The following EMC1 variants were observed in gnomAD, a reference collection of about 807,000 sequenced individuals.
EMC1 encodes ER membrane protein complex subunit 1.
EMC1 carries 103 observed loss-of-function variants against 128.8 expected under a neutral mutation model. That is an observed-to-expected ratio of 0.80 (90% CI 0.68 to 0.94). The LOEUF (loss-of-function observed/expected upper bound fraction) is 0.94, where lower values mean the gene tolerates loss of function less well. Ranked by LOEUF, EMC1 falls within the 40% of genes least tolerant of loss-of-function variation. The pLI, the probability that EMC1 is intolerant of heterozygous loss-of-function variation, is 0.00. For synonymous variants in EMC1, 442 were observed against 490.4 expected, an observed-to-expected ratio of 0.90 and a Z score of 1.30; for missense variants, 1,083 against 1,250.6, an observed-to-expected ratio of 0.87 and a Z score of 2.02.
At position 19,233,065 on chromosome 1, in the gene EMC1, G is replaced by A; in HGVS notation, c.1503C>T (p.His501=). 1.2e-6 allele frequency: 2 copies of A among 1,614,218 alleles called. No homozygotes were observed. The highest frequency in any genetic ancestry group is 1.7e-6 in the Non-Finnish European group (2 of 1,180,042). Residue 501 remains histidine (H), a synonymous_variant, in exon 14 of 23, where the codon CAC becomes CAT. Transcript: ENST00000477853. The part of the protein sequence containing the change: ...QLILLQAWTS[H]LWKMFYDARK... ...GAGCATCATAAAACATTTTCCAGAG[G>A]TGGGAAGTCCATGCTTGCAGCAGGA...
At chr1:19,225,624 T>G (rs1338810672) in intron 18 of EMC1, among the ~76,000 whole-genome samples, 1 of 151,304 alleles carries the variant, frequency 6.6e-6, no homozygotes, top group African/African-American at 2.4e-5. Context: ...TCCAGCCTGG[T>G]GAAAGAGCAA....
At chr1:19,244,222 C>A (rs192422574) in intron 2 of EMC1, among the ~76,000 whole-genome samples, 4 of 151,936 alleles carry the variant, frequency 2.6e-5, no homozygotes, top group African/African-American at 7.3e-5. Context: ...CTGTCCAGGC[C>A]CCACTACCAC....
chr1:19,223,366 T>G, intron 19 of EMC1, 30 bp downstream of exon 19: 1 of 1,597,410 alleles, frequency 6.3e-7, no homozygotes, highest in East Asian at 2.2e-5. Context: ...CCTCTGGAGC[T>G]ACCTTGGGTC....
At chr1:19,249,602 T>C (rs11800204) in intron 1 of EMC1, among the ~76,000 whole-genome samples, 23,213 of 152,162 alleles carry the variant, frequency 0.15, 2,639 homozygotes, top group African/African-American at 0.33. Context: ...AAGTGATGCA[T>C]ACCTGTATGT....
chr1:19,221,001 A>G, intron 20 of EMC1, 153 bp from the exon 21 acceptor site: 1 of 547,986 alleles, frequency 1.8e-6, no homozygotes, highest in South Asian at 2.4e-5. Flanking sequence ...TAATCCAATG[A>G]TACGCATGGG....
intron 10 of EMC1, 89 bp downstream of exon 10, chr1:19,238,706 C>T: frequency 1.2e-6 from 1 of 842,762 alleles, no homozygotes; most frequent in Admixed American, 2.0e-5. Context: ...AACTCTAGGA[C>T]CTGCTCCTAA....
Position 19,242,405 on chromosome 1 carries a change from G to A in EMC1, c.449C>T (p.Thr150Ile), listed in dbSNP as rs1368496995. The A allele has an allele frequency of 4.3e-6, 7 of 1,614,002 alleles. No homozygotes were observed. The highest frequency in any genetic ancestry group is 5.9e-6 in the Non-Finnish European group (7 of 1,179,990). ...VRYIAVLKKT[T>I]LALHHLSSGH... ...ACTGGAGAGGTGATGGAGGGCAAGTGTAGTCTTCTTCAGGACTGCGATGTA... is the reference window on the plus strand; with the variant it reads ...ACTGGAGAGGTGATGGAGGGCAAGTATAGTCTTCTTCAGGACTGCGATGTA... The change falls in exon 5 of 23, where the codon ACA becomes ATA. Residue 150 changes from threonine (T) to isoleucine (I), a missense_variant. By Grantham distance (89) the Thr-to-Ile change is moderately conservative. Transcript: ENST00000477853.
intron 6 of EMC1, 89 bp downstream of exon 6, chr1:19,240,916 TGCATCTGCCCA>T (rs2093601922): frequency 4.3e-6 from 6 of 1,390,068 alleles, no homozygotes; most frequent in African/African-American, 1.4e-5. Context: ...AAGTAGCTTT[TGCATCTGCCCA>T]GCCAAGTTCC....
intron 1 of EMC1, among the ~76,000 whole-genome samples, chr1:19,245,309 C>A (rs143093481): frequency 6.6e-6 from 1 of 152,002 alleles, no homozygotes; most frequent in African/African-American, 2.4e-5. Flanking sequence ...GGCATGGTGG[C>A]GCATGCCTGT....
chr1:19,237,010 T>C lies in EMC1; in HGVS notation c.1309+132A>G, dbSNP rs1253745500. On this transcript the variant is annotated intron_variant, in intron 12 of 22. Coordinates refer to ENST00000477853, the MANE Select transcript of EMC1 (RefSeq NM_015047.3). The stretch of plus-strand genomic sequence containing the variant: ...AAAAAAAGCAGGTGACATTTGGCTA[T>C]GAACGAAACACTCAGGGCACACTCC... 2.4e-5 allele frequency: 15 copies of C among 618,772 alleles called. No individual in the cohort carries two copies. The Middle Eastern group carries it at 9.8e-4, about 40-fold the overall frequency. 38.3% of individuals were successfully genotyped at this position (618,772 alleles called of 1,614,324 possible).
At chr1:19,247,746 T>C (rs1168964758) in intron 1 of EMC1, among the ~76,000 whole-genome samples, 1 of 152,208 alleles carries the variant, frequency 6.6e-6, no homozygotes, top group Non-Finnish European at 1.5e-5. Flanking sequence ...TATTCCAAGC[T>C]GGCCGCAGTG....
In EMC1 at chr1:19,222,847, G is replaced by A; in HGVS notation, c.2377-13C>T. 6.3e-7 allele frequency: 1 copy of A among 1,590,422 alleles called. No homozygotes were observed. Among genetic ancestry groups the A allele is most frequent in the Non-Finnish European group, 8.6e-7 (1 of 1,163,968 alleles). The stretch of plus-strand genomic sequence containing the variant: ...TCCAGTACTGGTACTGCAGGGATAG[G>A]AGGTGGCAGCTCAGGGCTTAGCAGC... On this transcript the variant is annotated splice_polypyrimidine_tract_variant and intron_variant, in intron 19 of 22. Transcript: ENST00000477853.
intron 20 of EMC1, 113 bp downstream of exon 20, chr1:19,222,511 T>C (rs1422812493): frequency 2.2e-6 from 2 of 921,318 alleles, no homozygotes; most frequent in African/African-American, 3.3e-5. Context: ...CCTCACCACC[T>C]TTCCCTTACA....
At chr1:19,249,824 TG>T (rs770128333) in intron 1 of EMC1, among the ~76,000 whole-genome samples, 52 of 151,732 alleles carry the variant, frequency 3.4e-4, no homozygotes, top group Non-Finnish European at 4.4e-5. Context: ...GAGGCTGAGC[TG>T]GGAGGGTCAC....
intron 18 of EMC1, among the ~76,000 whole-genome samples, chr1:19,224,844 T>G (rs1264836833): frequency 9.2e-5 from 14 of 152,192 alleles, no homozygotes; most frequent in Admixed American, 9.2e-4. Context: ...ACTCATCATC[T>G]TCTAGTTACC....
intron 1 of EMC1, among the ~76,000 whole-genome samples, chr1:19,245,898 A>G (rs1225317312): frequency 2.6e-5 from 4 of 151,550 alleles, no homozygotes; most frequent in Non-Finnish European, 5.9e-5. Flanking sequence ...AAGTGTTGGG[A>G]TTACAGGCGT....
chr1:19,238,196 CA>C (rs1252794329), intron 10 of EMC1, 57 bp from the exon 11 acceptor site: 11 of 1,591,220 alleles, frequency 6.9e-6, no homozygotes, highest in Non-Finnish European at 7.7e-6. Flanking sequence ...CAAAGCCCAC[CA>C]AAGGAAGTCC....
Position 19,232,998 on chromosome 1 carries a change from T to G in EMC1, c.1570A>C (p.Thr524Pro). ...SQIKNEINID[T>P]LARDEFNLQK... ...AGGTTGAATTCATCTCTGGCCAGGG[T>G]GTCAATGTTGATCTCATTCTTAATC... is the stretch of plus-strand genomic sequence containing the variant. The change falls in exon 14 of 23, where the codon ACC becomes CCC. Residue 524 changes from threonine (T) to proline (P), a missense_variant. By Grantham distance (38) the Thr-to-Pro change is conservative (BLOSUM62 -1). Coordinates refer to ENST00000477853, the MANE Select transcript of EMC1 (RefSeq NM_015047.3). 1 of 1,614,118 alleles carries G rather than the reference T, an allele frequency of 6.2e-7. No homozygotes were observed. The highest frequency in any genetic ancestry group is 8.5e-7 in the Non-Finnish European group (1 of 1,180,018).
Position 19,241,151 on chromosome 1 carries a change from G to A in EMC1, c.510-9C>T. The A allele has an allele frequency of 6.2e-7, 1 of 1,613,760 alleles. No individual in the cohort carries two copies. The highest frequency in any genetic ancestry group is 1.1e-5 in the South Asian group (1 of 91,024). On this transcript the variant is annotated splice_polypyrimidine_tract_variant and intron_variant, in intron 5 of 22. Coordinates refer to ENST00000477853, the MANE Select transcript of EMC1 (RefSeq NM_015047.3). ...GGTAGTGGATGCTGTCACTAAGAGA[G>A]GGAAGAAGAAACCGCAGCGTCAGCT...
Sources: gnomAD v4.1 joint callset for allele counts (sites outside exome capture counted in the v4.1 genomes callset) on GRCh38, gnomAD v4.1.1 for gene constraint, MANE v1.5 for transcripts, NCBI Gene and HGNC (gene_info 2026-07-23, HGNC 2026-07-21) for gene names.